SEMA6D: variants seen among roughly 807,000 people sequenced by gnomAD.
The protein encoded by SEMA6D is semaphorin 6D.
A neutral mutation model predicts 106.6 loss-of-function variants in SEMA6D; 35 were observed. The ratio of observed to expected loss-of-function variants is 0.33; its 90% CI spans 0.25 to 0.44. SEMA6D has a LOEUF of 0.44. Ranked by LOEUF, SEMA6D falls within the 20% of genes least tolerant of loss-of-function variation. SEMA6D has a pLI of 1.00. For synonymous variants in SEMA6D, 499 were observed against 487.7 expected, an observed-to-expected ratio of 1.02 and a Z score of -0.31; for missense variants, 1,185 against 1,345.9, an observed-to-expected ratio of 0.88 and a Z score of 1.87.
chr15:47,420,342 T>G (rs894156141), intron 2 of SEMA6D, among the ~76,000 whole-genome samples: 46 of 152,136 alleles, frequency 3.0e-4, no homozygotes, highest in African/African-American at 1.1e-3. Context: ...TGATCTTTGC[T>G]GTTTCTCCCC....
chr15:47,486,485 T>C (rs2043300423), intron 3 of SEMA6D, among the ~76,000 whole-genome samples: 1 of 152,238 alleles, frequency 6.6e-6, no homozygotes, highest in Admixed American at 6.5e-5. Flanking sequence ...CTAGTAGATC[T>C]GTGCCAACTC....
At chr15:47,639,848 A>G (rs2077456541) in intron 4 of SEMA6D, among the ~76,000 whole-genome samples, 1 of 152,200 alleles carries the variant, frequency 6.6e-6, no homozygotes, top group Non-Finnish European at 1.5e-5. Flanking sequence ...ACCAAAAACA[A>G]AGAAAGTCTG....
intron 1 of SEMA6D, chr15:47,730,408 C>G (rs2080040303): frequency 2.1e-6 from 3 of 1,427,450 alleles, no homozygotes; most frequent in Admixed American, 3.5e-5. Context: ...AGTAAGGGAC[C>G]CCCATTTTAC....
At chr15:47,484,043 C>T (rs1182979154) in intron 3 of SEMA6D, among the ~76,000 whole-genome samples, 2 of 152,132 alleles carry the variant, frequency 1.3e-5, no homozygotes, top group Non-Finnish European at 2.9e-5. Flanking sequence ...GCTTATCTCA[C>T]CAAACTGCAG....
intron 3 of SEMA6D, among the ~76,000 whole-genome samples, chr15:47,472,845 A>G (rs1228898286): frequency 2.0e-5 from 3 of 152,186 alleles, no homozygotes; most frequent in African/African-American, 7.2e-5. Context: ...AGGTAGAATC[A>G]CTTTTTTTGG....
chr15:47,607,035 G>C (rs1008216704), intron 4 of SEMA6D, among the ~76,000 whole-genome samples: 4 of 152,134 alleles, frequency 2.6e-5, no homozygotes, highest in African/African-American at 9.7e-5. Context: ...GAACCTTCTT[G>C]TGCCAAATTA....
intron 3 of SEMA6D, among the ~76,000 whole-genome samples, chr15:47,552,426 AAAG>A (rs933628963): frequency 6.6e-6 from 1 of 151,522 alleles, no homozygotes; most frequent in African/African-American, 2.4e-5. Context: ...AATAAAAAGG[AAAG>A]AAAGTATGAG....
chr15:47,319,841 G>A (rs541564233), intron 1 of SEMA6D, among the ~76,000 whole-genome samples: 1 of 152,180 alleles, frequency 6.6e-6, no homozygotes, highest in Admixed American at 6.5e-5. Context: ...TTCCCCACCT[G>A]TGCCTATGAC....
intron 1 of SEMA6D, among the ~76,000 whole-genome samples, chr15:47,407,369 A>AC (rs56098549): frequency 7.0e-5 from 2 of 28,466 alleles, no homozygotes; most frequent in African/African-American, 1.8e-4. Context: ...ACTCTATCTC[A>AC]AAAAAAAAAA....
intron 2 of SEMA6D, among the ~76,000 whole-genome samples, chr15:47,418,617 C>G (rs1043861737): frequency 5.9e-5 from 9 of 152,018 alleles, no homozygotes; most frequent in African/African-American, 2.2e-4. Context: ...GATACCATCA[C>G]CTAAAGGGTT....
chr15:47,283,979 T>A (rs1359047203), intron 1 of SEMA6D, among the ~76,000 whole-genome samples: 2 of 152,192 alleles, frequency 1.3e-5, no homozygotes, highest in East Asian at 3.9e-4. Flanking sequence ...CTTGGTTTAG[T>A]GGGCTTTGGC....
chr15:47,347,574 T>A (rs1014474015), intron 1 of SEMA6D, among the ~76,000 whole-genome samples: 1 of 131,204 alleles, frequency 7.6e-6, no homozygotes, highest in African/African-American at 3.6e-5. Flanking sequence ...GTAATAGTGC[T>A]TTATTCTCTG....
At chr15:47,445,931 T>A (rs868529602) in intron 2 of SEMA6D, among the ~76,000 whole-genome samples, 64 of 152,244 alleles carry the variant, frequency 4.2e-4, no homozygotes, top group Middle Eastern at 3.4e-3. Context: ...CAACACAGAT[T>A]GGGGGATGGG....
At chr15:47,648,876 C>T (rs998303981) in intron 4 of SEMA6D, among the ~76,000 whole-genome samples, 2 of 152,124 alleles carry the variant, frequency 1.3e-5, no homozygotes, top group Non-Finnish European at 2.9e-5. Flanking sequence ...TATCAATTAG[C>T]TTATGGTAAA....
At chr15:47,212,933 TAGTC>T (rs956668958) in intron 1 of SEMA6D, among the ~76,000 whole-genome samples, 1 of 151,022 alleles carries the variant, frequency 6.6e-6, no homozygotes, top group Non-Finnish European at 1.5e-5. Context: ...AGATAACACA[TAGTC>T]AGGAAATCGT....
chr15:47,424,221 G>A (rs1291984545), intron 2 of SEMA6D, among the ~76,000 whole-genome samples: 2 of 151,942 alleles, frequency 1.3e-5, no homozygotes, highest in Admixed American at 1.3e-4. Context: ...AGACTACCTA[G>A]TGACTATTTG....
chr15:47,428,363 G>C (rs1042038878), intron 2 of SEMA6D, among the ~76,000 whole-genome samples: 1 of 152,134 alleles, frequency 6.6e-6, no homozygotes, highest in African/African-American at 2.4e-5. Flanking sequence ...CAGCTTTGCA[G>C]AAGACCAGAG....
chr15:47,268,301 A>G (rs1242444356), intron 1 of SEMA6D, among the ~76,000 whole-genome samples: 1 of 152,156 alleles, frequency 6.6e-6, no homozygotes, highest in African/African-American at 2.4e-5. Context: ...CCTTCCATTT[A>G]CTGCTAATAT....
intron 1 of SEMA6D, among the ~76,000 whole-genome samples, chr15:47,277,299 C>A (rs954141891): frequency 6.6e-6 from 1 of 152,112 alleles, no homozygotes; most frequent in Admixed American, 6.6e-5. Context: ...TGAAAGAAGT[C>A]ATACTGTGGG....
Sources: allele counts gnomAD v4.1 joint callset (sites outside exome capture counted in the v4.1 genomes callset), GRCh38; gene constraint gnomAD v4.1.1; transcripts MANE v1.5; gene names NCBI Gene and HGNC (gene_info 2026-07-23, HGNC 2026-07-21).